CCNL2: variants seen among roughly 807,000 people sequenced by gnomAD.
The protein encoded by CCNL2 is cyclin-L2.
In CCNL2, 28 loss-of-function variants were observed where a neutral mutation model predicts 59.1. The ratio of observed to expected loss-of-function variants is 0.47; its 90% CI spans 0.35 to 0.65. The LOEUF (loss-of-function observed/expected upper bound fraction) is 0.65. CCNL2 is among the 30% of genes least tolerant of loss of function. The pLI is 0.00. For synonymous variants in CCNL2, 342 were observed against 288.6 expected (o/e 1.19, Z -1.88); for missense variants, 714 against 717.4 (o/e 1.00, Z 0.05).
chr1:1,393,535 C>T, intron 4 of CCNL2, 75 bp from the exon 5 acceptor site: 1 of 1,305,024 alleles, frequency 7.7e-7, no homozygotes, highest in Non-Finnish European at 1.1e-6. Flanking sequence ...GGTGTCCATG[C>T]AGCAAACAAG....
At chr1:1,389,311 A>ATGAGC (rs2100278099) in intron 8 of CCNL2, 1 of 151,674 alleles carries the variant, frequency 6.6e-6, no homozygotes, top group East Asian at 2.0e-4. Flanking sequence ...GGAGCTTGCA[A>ATGAGC]TGAGCTGAGA....
chr1:1,390,331 T>A lies in CCNL2; in HGVS notation c.905A>T (p.Lys302Met). 1 of 1,613,974 alleles carries A rather than the reference T, an allele frequency of 6.2e-7. No individual in the cohort carries two copies. The highest frequency in any genetic ancestry group is 8.5e-7 in the Non-Finnish European group (1 of 1,179,882). The change falls in exon 8 of 11, where the codon AAG (lysine) becomes ATG (methionine). Residue 302 changes from lysine (K) to methionine (M), a missense_variant. Around this residue, in one of 5 missense-constraint regions of CCNL2, gnomAD observed 403 missense variants for 377.7 expected, o/e 1.07. Transcript: ENST00000400809. Reference sequence around the variant, plus strand: ...GGCCTTTGCCTCTTCGATAGCGTGCTTTCTTTTTTCCACTTCACCCTCCAG... The same window carrying A: ...GGCCTTTGCCTCTTCGATAGCGTGCATTCTTTTTTCCACTTCACCCTCCAG... The part of the protein sequence containing the change: ...THLEGEVEKR[K>M]HAIEEAKAQA...
chr1:1,395,248 C>T lies in CCNL2; in HGVS notation c.594+146G>A, dbSNP rs1644954848. On this transcript the variant is annotated intron_variant, in intron 4 of 10. Coordinates refer to ENST00000400809, the MANE Select transcript of CCNL2 (RefSeq NM_030937.6). The stretch of plus-strand genomic sequence containing the variant: ...GAAGACGAATACGTCAGGAACTATT[C>T]TTGAGATTATAAATAGAAACTGGAA... 1.3e-5 allele frequency: 10 copies of T among 764,202 alleles called. No individual in the cohort carries two copies. The East Asian group carries it at 1.9e-4, about 14-fold the overall frequency. 47.3% of individuals were successfully genotyped at this position (764,202 alleles called of 1,614,324 possible).
chr1:1,387,738 C>A, intron 10 of CCNL2, 39 bp downstream of exon 10: 1 of 1,548,732 alleles, frequency 6.5e-7, no homozygotes, highest in South Asian at 1.2e-5. Flanking sequence ...ACAGCCCCAC[C>A]CCGGTATCGG....
intron 8 of CCNL2, chr1:1,388,670 C>A: frequency 2.3e-6 from 1 of 428,996 alleles, no homozygotes. Context: ...ACTTGGGAGG[C>A]TGAGGCACAA....
Position 1,396,035 on chromosome 1 carries a change from C to T in CCNL2, c.474-521G>A, listed in dbSNP as rs184697086. 5.9e-3 allele frequency among the ~76,000 whole-genome samples: 893 copies of T among 151,480 alleles called. 11 individuals carry two copies. The highest frequency in any genetic ancestry group is 0.021 in the African/African-American group (859 of 41,290). ...CTACTAAAAAAATGCAAAAATTAGCCGGGCGTGGTGGCGGGTGCTTGTAAT... is the reference window on the plus strand; with the variant it reads ...CTACTAAAAAAATGCAAAAATTAGCTGGGCGTGGTGGCGGGTGCTTGTAAT... On this transcript the variant is annotated intron_variant, in intron 3 of 10. Coordinates refer to ENST00000400809, the MANE Select transcript of CCNL2 (RefSeq NM_030937.6).
chr1:1,398,616 A>G lies in CCNL2; in HGVS notation c.344T>C (p.Phe115Ser). The change falls in exon 2 of 11, where the codon TTC becomes TCC. Residue 115 changes from phenylalanine (F) to serine (S), a missense_variant. This residue lies in a region of CCNL2 where 270 missense variants were observed against 254.9 expected (regional missense o/e 1.06). Transcript: ENST00000400809. ...CCTTACCTCCATGGAGTGCTTCACG[A>G]AGGACTTGGTATAAAAGAACCGCTG... ...LFQRFFYTKS[F>S]VKHSMEHVSM... 1 of 1,613,978 alleles carries G rather than the reference A, an allele frequency of 6.2e-7. No homozygotes were observed. Among genetic ancestry groups the G allele is most frequent in the Non-Finnish European group, 8.5e-7 (1 of 1,179,960 alleles).
rs1280067812 is a variant in CCNL2, at chr1:1,387,328, T to C, written c.1466A>G (p.Tyr489Cys). The C allele has an allele frequency of 6.2e-7, 1 of 1,614,102 alleles. No individual in the cohort carries two copies. The highest frequency in any genetic ancestry group is 1.7e-5 in the Admixed American group (1 of 60,024). Reference protein sequence around the residue: ...NPGKYKKKSHYYRDQRRERSR... With the variant: ...NPGKYKKKSHCYRDQRRERSR... Reference sequence around the variant, plus strand: ...GCGCTCTCGTCGCTGATCTCTGTAGTAATGACTTTTCTTCTTGTATTTTCC... The same window carrying C: ...GCGCTCTCGTCGCTGATCTCTGTAGCAATGACTTTTCTTCTTGTATTTTCC... Residue 489 changes from tyrosine to cysteine, a missense_variant, in exon 11 of 11, where the codon TAC (tyrosine) becomes TGC (cysteine). Transcript: ENST00000400809.
chr1:1,392,387 A>G (rs1644807876), intron 5 of CCNL2: 4 of 1,087,446 alleles, frequency 3.7e-6, no homozygotes, highest in Non-Finnish European at 4.5e-6. Context: ...CGTGTCATGC[A>G]AAGCTGCTCA....
intron 4 of CCNL2, 40 bp downstream of exon 4, chr1:1,395,354 C>T (rs1265106991): frequency 3.1e-6 from 5 of 1,608,808 alleles, no homozygotes; most frequent in Non-Finnish European, 2.5e-6. Context: ...GCAGGAGCAG[C>T]GGCCTAGGCG....
chr1:1,398,893 C>G, intron 1 of CCNL2, 126 bp downstream of exon 1: 1 of 1,387,290 alleles, frequency 7.2e-7, no homozygotes, highest in East Asian at 2.7e-5. Context: ...GGCGCCGAGG[C>G]TGGGGTCGGG....
intron 3 of CCNL2, among the ~76,000 whole-genome samples, chr1:1,397,621 G>A (rs1008725821): frequency 6.6e-6 from 1 of 152,174 alleles, no homozygotes; most frequent in Non-Finnish European, 1.5e-5. Context: ...CAGTGCTTTG[G>A]GAGGCTAAGG....
At chr1:1,389,103 T>C (rs1644624120) in intron 8 of CCNL2, 1 of 166,044 alleles carries the variant, frequency 6.0e-6, no homozygotes, top group Non-Finnish European at 1.3e-5. Flanking sequence ...CCGGGTGCAG[T>C]GGCTCATGCC....
chr1:1,387,580 T>C lies in CCNL2; in HGVS notation c.1214A>G (p.Lys405Arg), dbSNP rs1362929495. Residue 405 changes from lysine to arginine, a missense_variant and splice_region_variant, in exon 11 of 11, where the codon AAA (lysine) becomes AGA (arginine). This residue lies in a region of CCNL2 where 403 missense variants were observed against 377.7 expected (regional missense o/e 1.07). Coordinates refer to ENST00000400809, the MANE Select transcript of CCNL2 (RefSeq NM_030937.6). ...PSRSASPKRR[K>R]SDSGSTSGGS... ...ACCAGATGTGGAGCCGCTGTCACTT[T>C]TCCTGGGAGGAAGAACAGCACCACC... is the stretch of plus-strand genomic sequence containing the variant. 1 of 1,484,858 alleles carries C rather than the reference T, an allele frequency of 6.7e-7. No individual in the cohort carries two copies. Among genetic ancestry groups the C allele is most frequent in the African/African-American group, 1.4e-5 (1 of 71,230 alleles). 92.0% of individuals were successfully genotyped at this position (1,484,858 alleles called of 1,614,324 possible).
intron 4 of CCNL2, among the ~76,000 whole-genome samples, chr1:1,394,877 T>G (rs1304039002): frequency 6.7e-6 from 1 of 149,840 alleles, no homozygotes; most frequent in Non-Finnish European, 1.5e-5. Context: ...GCCAACATGG[T>G]GAAACCCCGT....
intron 4 of CCNL2, 85 bp downstream of exon 4, chr1:1,395,309 C>T (rs1400442086): frequency 7.3e-6 from 11 of 1,505,948 alleles, no homozygotes; most frequent in Non-Finnish European, 9.1e-7. Flanking sequence ...CTCTTCAGAG[C>T]CTTCAACTGC....
intron 8 of CCNL2, chr1:1,388,342 G>A: frequency 4.6e-6 from 2 of 435,510 alleles, no homozygotes. Flanking sequence ...CCAACATGGT[G>A]AAACCCCATC....
chr1:1,398,687 G>A lies in CCNL2; in HGVS notation c.289-16C>T, dbSNP rs780616651. 9 of 1,611,356 alleles carry A rather than the reference G, an allele frequency of 5.6e-6. No individual in the cohort carries two copies. The highest frequency in any genetic ancestry group is 5.0e-5 in the Admixed American group (3 of 59,966). ...CCATGGCCACCTAGAGTAGAAGAAAGTTTCCGTATTTTCAAACGCACCATT... is the reference window on the plus strand; with the variant it reads ...CCATGGCCACCTAGAGTAGAAGAAAATTTCCGTATTTTCAAACGCACCATT... On this transcript the variant is annotated splice_polypyrimidine_tract_variant and intron_variant, in intron 1 of 10. Coordinates refer to ENST00000400809, the MANE Select transcript of CCNL2 (RefSeq NM_030937.6).
rs1005599966 is a variant in CCNL2 at position 1,398,149 on chromosome 1, G to C, written c.473+84C>G. 9.2e-6 allele frequency: 12 copies of C among 1,298,902 alleles called. No individual in the cohort carries two copies. In the Admixed American group the frequency reaches 2.1e-4, roughly 23 times the overall value. 80.5% of individuals were successfully genotyped at this position (1,298,902 alleles called of 1,614,324 possible). A position where few individuals can be genotyped will look rare whatever the true frequency, so the allele number is the denominator to read the frequency against. ...AGGTTTAGAGCCTCAGGCCTGTATT[G>C]TGTTATACAAGCCTTACTGTAACTT... On this transcript the variant is annotated intron_variant, in intron 3 of 10. Transcript: ENST00000400809.
Sources: allele counts gnomAD v4.1 joint callset (sites outside exome capture counted in the v4.1 genomes callset), GRCh38; gene constraint gnomAD v4.1.1; regional missense constraint gnomAD v4.1.1; transcripts MANE v1.5; gene names NCBI Gene and HGNC (gene_info 2026-07-23, HGNC 2026-07-21).